The following SNX27 variants were observed in gnomAD, a reference collection of about 807,000 sequenced individuals.
The protein encoded by SNX27 is sorting nexin-27.
Under a neutral mutation model 71.6 loss-of-function variants are expected in SNX27, and 22 were observed. The observed-to-expected ratio is 0.31, with a 90% CI of 0.22 to 0.44. The LOEUF is 0.44. Among genes scored for constraint, SNX27 ranks in the 20% least tolerant of loss-of-function variants. The pLI, the probability that SNX27 is intolerant of heterozygous loss-of-function variation, is 1.00. For missense variants in SNX27, 531 were observed against 698.6 expected (o/e 0.76, Z 2.70); for synonymous variants, 269 against 277.2 (o/e 0.97, Z 0.29).
At chr1:151,614,857 G>T (rs1667355825) in intron 1 of SNX27, among the ~76,000 whole-genome samples, 1 of 152,214 alleles carries the variant, frequency 6.6e-6, no homozygotes, top group Non-Finnish European at 1.5e-5. Context: ...GAATAATTCT[G>T]TAGGAGACTA....
At position 151,637,411 on chromosome 1, in the gene SNX27, C is replaced by A. The variant is rs1177529400; in HGVS notation, c.312-1477C>A. Among the ~76,000 whole-genome samples, 3 of 152,214 alleles carry A rather than the reference C, an allele frequency of 2.0e-5. No homozygotes were observed. In the East Asian group the frequency reaches 5.8e-4, roughly 29 times the overall value. On this transcript the variant is annotated intron_variant, in intron 1 of 11. Coordinates refer to ENST00000458013, the MANE Select transcript of SNX27 (RefSeq NM_001330723.2). Reference sequence around the variant, plus strand: ...GCCAGGAAGGTCTTGATCTCCTGACCTTGTGATCCACCCGCCTCGGCCTCC... The same window carrying A: ...GCCAGGAAGGTCTTGATCTCCTGACATTGTGATCCACCCGCCTCGGCCTCC...
chr1:151,640,391 T>A (rs922421515), intron 2 of SNX27, among the ~76,000 whole-genome samples: 7 of 152,158 alleles, frequency 4.6e-5, no homozygotes, highest in East Asian at 1.9e-4. Context: ...TTATATATAT[T>A]TTTTAAGACG....
At chr1:151,628,357 T>C (rs1374958832) in intron 1 of SNX27, among the ~76,000 whole-genome samples, 1 of 152,186 alleles carries the variant, frequency 6.6e-6, no homozygotes, top group Non-Finnish European at 1.5e-5. Context: ...AATACTCAAC[T>C]GTATGGCTCT....
chr1:151,659,822 C>T (rs965731126), intron 3 of SNX27: 1 of 152,186 alleles, frequency 6.6e-6, no homozygotes, highest in African/African-American at 2.4e-5. Context: ...TTCCTTGCTA[C>T]ATTATAAAGT....
chr1:151,637,321 G>T (rs1215037413), intron 1 of SNX27, among the ~76,000 whole-genome samples: 1 of 152,032 alleles, frequency 6.6e-6, no homozygotes, highest in Non-Finnish European at 1.5e-5. Flanking sequence ...TGGGACTACA[G>T]GCGCCCACCA....
In SNX27 at chr1:151,693,495, C is replaced by T; in HGVS notation, c.1578+12C>T. On this transcript the variant is annotated intron_variant, in intron 11 of 11. Transcript: ENST00000458013. ...AGTGGAGAAAAGAGGTAATTCTGAA[C>T]AGTCCTTGAATTGACCTTTTCATCT... The T allele has an allele frequency of 6.2e-7, 1 of 1,613,980 alleles. No individual in the cohort carries two copies. The highest frequency in any genetic ancestry group is 8.5e-7 in the Non-Finnish European group (1 of 1,179,872).
chr1:151,698,515 T>G lies in SNX27; in HGVS notation c.*4098T>G, dbSNP rs762569160. On this transcript the variant is annotated 3_prime_UTR_variant, in exon 12 of 12. Coordinates refer to ENST00000458013, the MANE Select transcript of SNX27 (RefSeq NM_001330723.2). ...GTCACAGTAGCTTCCTTTGGGAGGA[T>G]GATGTGATAGAACACTCAGAGAGAG... The G allele has an allele frequency of 1.3e-5, 2 of 152,368 alleles. No homozygotes were observed. Among genetic ancestry groups the G allele is most frequent in the Non-Finnish European group, 2.9e-5 (2 of 68,060 alleles). 9.4% of individuals were successfully genotyped at this position (152,368 alleles called of 1,614,324 possible).
intron 1 of SNX27, among the ~76,000 whole-genome samples, chr1:151,627,293 A>G (rs528957091): frequency 3.9e-5 from 6 of 152,288 alleles, no homozygotes; most frequent in South Asian, 2.1e-4. Flanking sequence ...TAATTGTTCA[A>G]TTCCAATACA....
chr1:151,693,072 T>TA lies in SNX27; in HGVS notation c.1518+34dup, dbSNP rs771081690. The TA allele has an allele frequency of 1.1e-5, 18 of 1,596,154 alleles. No homozygotes were observed. In the African/African-American group the frequency reaches 2.5e-4, roughly 22 times the overall value. ...CAATTTGGGGAAAGTAACTGGGACT[T>TA]AGTTTGTTTTTTTGTTTTTTTTTTC... is the stretch of plus-strand genomic sequence containing the variant. On this transcript the variant is annotated intron_variant, in intron 10 of 11. Coordinates refer to ENST00000458013, the MANE Select transcript of SNX27 (RefSeq NM_001330723.2).
At chr1:151,651,172 G>A (rs936638281) in intron 2 of SNX27, among the ~76,000 whole-genome samples, 1 of 151,532 alleles carries the variant, frequency 6.6e-6, no homozygotes, top group African/African-American at 2.4e-5. Context: ...TTCCCAGTAG[G>A]GGCGGCTGGG....
chr1:151,689,837 G>C (rs1299592195), intron 8 of SNX27, among the ~76,000 whole-genome samples: 1 of 148,356 alleles, frequency 6.7e-6, no homozygotes, highest in African/African-American at 2.5e-5. Context: ...ACATTTTATT[G>C]TATCTATATA....
chr1:151,618,433 A>G (rs1420866732), intron 1 of SNX27, among the ~76,000 whole-genome samples: 1 of 152,208 alleles, frequency 6.6e-6, no homozygotes, highest in African/African-American at 2.4e-5. Flanking sequence ...AAATTTGAAA[A>G]TAGCATTACC....
intron 7 of SNX27, among the ~76,000 whole-genome samples, chr1:151,681,802 A>C (rs1184958393): frequency 5.3e-5 from 8 of 152,096 alleles, no homozygotes; most frequent in Non-Finnish European, 7.4e-5. Flanking sequence ...ATTTTTCATA[A>C]TCTAGTGTTA....
chr1:151,656,270 T>C (rs1018767275), intron 2 of SNX27, among the ~76,000 whole-genome samples: 1 of 147,330 alleles, frequency 6.8e-6, no homozygotes, highest in Middle Eastern at 3.3e-3. Flanking sequence ...GAAGAAGATA[T>C]TCACAATACA....
At chr1:151,670,651 GTTGT>G (rs1013064215) in intron 7 of SNX27, among the ~76,000 whole-genome samples, 1 of 151,848 alleles carries the variant, frequency 6.6e-6, no homozygotes, top group African/African-American at 2.4e-5. Flanking sequence ...TTCCTGTTGA[GTTGT>G]TTGAGCTCCT....
intron 7 of SNX27, chr1:151,669,056 T>C (rs1293639914): frequency 1.3e-5 from 2 of 153,198 alleles, no homozygotes; most frequent in Admixed American, 6.5e-5. Flanking sequence ...TCTTGTTTTT[T>C]ATTGGTTTGT....
chr1:151,620,371 T>G (rs1021470023), intron 1 of SNX27, among the ~76,000 whole-genome samples: 12 of 152,266 alleles, frequency 7.9e-5, no homozygotes, highest in African/African-American at 2.9e-4. Flanking sequence ...AAGAGGAAAA[T>G]CACTATTAGA....
At chr1:151,681,995 A>G (rs559944269) in intron 7 of SNX27, among the ~76,000 whole-genome samples, 6 of 152,360 alleles carry the variant, frequency 3.9e-5, no homozygotes, top group Admixed American at 2.0e-4. Context: ...TGTAATTATC[A>G]ATAAGTGCTT....
intron 2 of SNX27, among the ~76,000 whole-genome samples, chr1:151,651,527 G>T (rs1176131460): frequency 6.7e-6 from 1 of 150,000 alleles, no homozygotes; most frequent in Non-Finnish European, 1.5e-5. Context: ...TTCTCAGACG[G>T]GGCGGCCGGG....
Sources: gnomAD v4.1 joint callset for allele counts (sites outside exome capture counted in the v4.1 genomes callset) on GRCh38, gnomAD v4.1.1 for gene constraint, MANE v1.5 for transcripts, NCBI Gene and HGNC (gene_info 2026-07-23, HGNC 2026-07-21) for gene names.